Variants in PLCH1 observed in about 807,000 individuals in gnomAD.
The protein encoded by PLCH1 is 1-phosphatidylinositol 4,5-bisphosphate phosphodiesterase eta-1.
Under a neutral mutation model 126.7 loss-of-function variants are expected in PLCH1, and 60 were observed. That is an observed-to-expected ratio of 0.47 (90% CI 0.38 to 0.59). The LOEUF (loss-of-function observed/expected upper bound fraction) is 0.59. Ranked by LOEUF, PLCH1 falls within the 20% of genes least tolerant of loss-of-function variation. PLCH1 has a pLI of 0.00. For synonymous variants in PLCH1, 719 were observed against 734.9 expected (o/e 0.98, Z 0.35); for missense variants, 1,723 against 2,040.0 (o/e 0.84, Z 2.99).
Position 155,494,443 on chromosome 3 carries a change from T to G in PLCH1, c.1969A>C (p.Met657Leu). 1.2e-6 allele frequency: 2 copies of G among 1,613,794 alleles called. No homozygotes were observed. Among genetic ancestry groups the G allele is most frequent in the Non-Finnish European group, 1.7e-6 (2 of 1,179,666 alleles). Residue 657 changes from methionine to leucine, a missense_variant, in exon 16 of 23, where the codon ATG (methionine) becomes CTG (leucine). Physicochemically the swap from Met to Leu is conservative, Grantham distance 15. Transcript: ENST00000460012. The stretch of plus-strand genomic sequence containing the variant: ...GTGAGTTGCTTTTGATTATAAATCA[T>G]GAACTGCTCTGATTTTTGCTGAACA... ...QVVQQKSEQF[M>L]IYNQKQLTRI...
At chr3:155,742,190 T>C (rs1342405841) in intron 1 of PLCH1, 1 of 152,222 alleles carries the variant, frequency 6.6e-6, no homozygotes, top group Non-Finnish European at 1.5e-5. Context: ...TTATATATAA[T>C]ACGTTCTCAA....
intron 2 of PLCH1, among the ~76,000 whole-genome samples, chr3:155,649,068 T>A (rs539088333): frequency 7.2e-5 from 11 of 152,174 alleles, no homozygotes; most frequent in Admixed American, 6.5e-5. Flanking sequence ...TTTCTAAAAG[T>A]AAGCCTGGCT....
chr3:155,511,402 C>T (rs2108213816), intron 12 of PLCH1, among the ~76,000 whole-genome samples: 1 of 110,808 alleles, frequency 9.0e-6, no homozygotes, highest in South Asian at 2.8e-4. Context: ...TGGTGAGGAA[C>T]TGTGTTCCTT....
At chr3:155,707,502 A>G (rs1746767444) in intron 1 of PLCH1, among the ~76,000 whole-genome samples, 1 of 152,114 alleles carries the variant, frequency 6.6e-6, no homozygotes, top group Admixed American at 6.5e-5. Context: ...CAGCCTGGCC[A>G]ACAAGGCAAA....
intron 21 of PLCH1, among the ~76,000 whole-genome samples, chr3:155,460,778 T>C (rs1560028343): frequency 6.7e-6 from 1 of 148,836 alleles, no homozygotes; most frequent in East Asian, 2.0e-4. Flanking sequence ...GATAGATAGA[T>C]AGATATAGAA....
chr3:155,486,552 C>G (rs1401724002), intron 21 of PLCH1, among the ~76,000 whole-genome samples: 1 of 126,618 alleles, frequency 7.9e-6, no homozygotes, highest in African/African-American at 3.3e-5. Context: ...GAGTCTCGCT[C>G]TGTCGCCCAG....
At chr3:155,715,918 T>C (rs2109119406) in intron 1 of PLCH1, among the ~76,000 whole-genome samples, 1 of 152,258 alleles carries the variant, frequency 6.6e-6, no homozygotes, top group South Asian at 2.1e-4. Context: ...ATTTGTTTTC[T>C]TTGGGCCTAT....
chr3:155,606,345 C>T (rs1734359302), intron 2 of PLCH1, among the ~76,000 whole-genome samples: 2 of 152,122 alleles, frequency 1.3e-5, no homozygotes, highest in Admixed American at 1.3e-4. Context: ...CTCATGGAAC[C>T]CCAAGAACTG....
chr3:155,729,495 G>A (rs1230607182), intron 1 of PLCH1, among the ~76,000 whole-genome samples: 5 of 152,148 alleles, frequency 3.3e-5, no homozygotes, highest in African/African-American at 1.2e-4. Flanking sequence ...GAATATGGGA[G>A]GGTTGCATGG....
intron 1 of PLCH1, among the ~76,000 whole-genome samples, chr3:155,744,007 G>GT (rs370626394): frequency 0.093 from 13,744 of 147,874 alleles, 827 homozygotes; most frequent in Middle Eastern, 0.14. Flanking sequence ...GAAAAGTTGG[G>GT]TTTTTTTTTT....
chr3:155,560,473 A>T (rs1727420243), intron 8 of PLCH1, among the ~76,000 whole-genome samples: 1 of 152,092 alleles, frequency 6.6e-6, no homozygotes, highest in Non-Finnish European at 1.5e-5. Context: ...GCTGGTATGT[A>T]CTCTCTGCAA....
chr3:155,580,900 TTGAGC>T (rs1730580424), intron 6 of PLCH1, among the ~76,000 whole-genome samples: 1 of 152,210 alleles, frequency 6.6e-6, no homozygotes, highest in African/African-American at 2.4e-5. Flanking sequence ...GGTCTTTATT[TTGAGC>T]TTTCTGAGGG....
In PLCH1 at chr3:155,607,446, T is replaced by C. The variant is rs570729933; in HGVS notation, c.80-11068A>G. 1.2e-3 allele frequency among the ~76,000 whole-genome samples: 184 copies of C among 152,164 alleles called. 2 individuals carry two copies. The highest frequency in any genetic ancestry group is 4.0e-3 in the African/African-American group (168 of 41,532). On this transcript the variant is annotated intron_variant, in intron 2 of 22. Coordinates refer to ENST00000460012, the MANE Select transcript of PLCH1 (RefSeq NM_014996.4). ...AATCTTTGGTAAATAAATACAATGT[T>C]TATTTGTTTTTTTTTCTTTTGAGAC... is the stretch of plus-strand genomic sequence containing the variant.
intron 21 of PLCH1, among the ~76,000 whole-genome samples, chr3:155,462,909 C>T (rs1302731788): frequency 6.6e-6 from 1 of 152,214 alleles, no homozygotes; most frequent in Non-Finnish European, 1.5e-5. Context: ...CCTGGAAATA[C>T]AGGAAGTGAG....
At chr3:155,678,731 A>C (rs1040710951) in intron 2 of PLCH1, among the ~76,000 whole-genome samples, 2 of 152,062 alleles carry the variant, frequency 1.3e-5, no homozygotes, top group African/African-American at 4.8e-5. Flanking sequence ...AGAATCTTTA[A>C]TTTCTTAACT....
intron 2 of PLCH1, among the ~76,000 whole-genome samples, chr3:155,690,910 T>C (rs1222207881): frequency 6.6e-6 from 1 of 152,136 alleles, no homozygotes; most frequent in Non-Finnish European, 1.5e-5. Flanking sequence ...GTCTGCATTT[T>C]TAACAAGCTC....
chr3:155,692,233 C>T (rs1341777270), intron 2 of PLCH1, among the ~76,000 whole-genome samples: 1 of 152,116 alleles, frequency 6.6e-6, no homozygotes, highest in Non-Finnish European at 1.5e-5. Context: ...TTCCCCCTTC[C>T]TCTCTGCAAA....
At chr3:155,515,955 T>C (rs1039689934) in intron 11 of PLCH1, among the ~76,000 whole-genome samples, 3 of 152,228 alleles carry the variant, frequency 2.0e-5, no homozygotes, top group African/African-American at 7.2e-5. Context: ...AATGCATTCA[T>C]TTTCACAAAA....
intron 6 of PLCH1, among the ~76,000 whole-genome samples, chr3:155,572,815 T>C (rs920179797): frequency 6.6e-6 from 1 of 152,250 alleles, no homozygotes; most frequent in African/African-American, 2.4e-5. Context: ...AGCCTCCAAA[T>C]CCTGGAATCA....
Sources: allele counts gnomAD v4.1 joint callset (sites outside exome capture counted in the v4.1 genomes callset), GRCh38; gene constraint gnomAD v4.1.1; transcripts MANE v1.5; gene names NCBI Gene and HGNC (gene_info 2026-07-23, HGNC 2026-07-21).